The following SH3KBP1 variants were observed in gnomAD, a reference collection of about 807,000 sequenced individuals.
SH3KBP1 encodes SH3 domain containing kinase binding protein 1.
Under a neutral mutation model 50.1 loss-of-function variants are expected in SH3KBP1, and 8 were observed. That is an observed-to-expected ratio of 0.16 (90% CI 0.09 to 0.29). SH3KBP1 has a LOEUF of 0.29. Ranked by LOEUF, SH3KBP1 falls within the 10% of genes least tolerant of loss-of-function variation. SH3KBP1 has a pLI of 1.00. For synonymous variants in SH3KBP1, 227 were observed against 218.6 expected (o/e 1.04, Z -0.34); for missense variants, 377 against 535.2 (o/e 0.70, Z 2.92).
chrX:19,779,544 A>C (rs1318208757), intron 2 of SH3KBP1, among the ~76,000 whole-genome samples: 2 of 97,696 alleles, frequency 2.0e-5, no homozygotes, highest in African/African-American at 3.7e-5. Flanking sequence ...GTCATCTAGC[A>C]TTAGGTATAT....
chrX:19,823,481 T>C (rs1036998138), intron 2 of SH3KBP1, among the ~76,000 whole-genome samples: 7 of 112,097 alleles, frequency 6.2e-5, no homozygotes, highest in Non-Finnish European at 1.3e-4. Flanking sequence ...TCTCTGCTCC[T>C]ATAGGCTGCC....
chrX:19,828,146 TTC>T (rs1185101096), intron 2 of SH3KBP1, among the ~76,000 whole-genome samples: 2 of 111,593 alleles, frequency 1.8e-5, no homozygotes, highest in Admixed American at 1.9e-4. Flanking sequence ...TTTCTCTTTT[TTC>T]TTTTCTGGTA....
intron 5 of SH3KBP1, among the ~76,000 whole-genome samples, chrX:19,693,053 A>G (rs989646700): frequency 9.0e-6 from 1 of 111,497 alleles, no homozygotes; most frequent in African/African-American, 3.3e-5. Context: ...AATTACTTCA[A>G]TTTAGCAAGC....
chrX:19,855,176 G>A (rs954988082), intron 1 of SH3KBP1, among the ~76,000 whole-genome samples: 9 of 110,775 alleles, frequency 8.1e-5, no homozygotes, highest in African/African-American at 1.3e-4. Flanking sequence ...TAGAGAGGGG[G>A]TTTCACCATG....
chrX:19,680,204 G>A (rs760590044), intron 6 of SH3KBP1, among the ~76,000 whole-genome samples: 90 of 108,812 alleles, frequency 8.3e-4, no homozygotes, highest in African/African-American at 2.6e-3. Context: ...GTGAAACCCC[G>A]TCTCTACTAA....
intron 13 of SH3KBP1, among the ~76,000 whole-genome samples, chrX:19,550,967 T>C (rs1444196281): frequency 9.0e-6 from 1 of 111,599 alleles, no homozygotes; most frequent in Non-Finnish European, 1.9e-5. Context: ...GCAGCTATAC[T>C]GGTCCAGGAC....
At chrX:19,760,053 T>TCC (rs1457661206) in intron 2 of SH3KBP1, among the ~76,000 whole-genome samples, 1 of 94,368 alleles carries the variant, frequency 1.1e-5, no homozygotes, top group Non-Finnish European at 2.1e-5. Flanking sequence ...TCTCTCTCTC[T>TCC]CTCTCTCTCT....
rs185903038 is a variant in SH3KBP1 at position 19,535,007 on chromosome X, A to G, written c.*1410T>C. 3.4e-6 allele frequency: 1 copy of G among 296,085 alleles called. No homozygotes were observed. The highest frequency in any genetic ancestry group is 5.9e-6 in the Non-Finnish European group (1 of 170,145). 24.4% of individuals were successfully genotyped at this position (296,085 alleles called of 1,213,427 possible). On this transcript the variant is annotated 3_prime_UTR_variant, in exon 18 of 18. Coordinates refer to ENST00000397821, the MANE Select transcript of SH3KBP1 (RefSeq NM_031892.3). ...TAGTAGTTTCACTATTAAACTCAGG[A>G]AAGAGACAAAGCAGCTTTTGAGAAA... is the stretch of plus-strand genomic sequence containing the variant.
chrX:19,672,241 A>C, intron 6 of SH3KBP1, among the ~76,000 whole-genome samples: 1 of 112,157 alleles, frequency 8.9e-6, no homozygotes, highest in Non-Finnish European at 1.9e-5. Flanking sequence ...ACTAGGACGG[A>C]GGAGAATAAA....
chrX:19,870,379 G>C (rs1359472669), intron 1 of SH3KBP1, among the ~76,000 whole-genome samples: 1 of 108,193 alleles, frequency 9.2e-6, no homozygotes, highest in Non-Finnish European at 1.9e-5. Flanking sequence ...GTCTCACTCT[G>C]TTGCCCAGGC....
chrX:19,697,684 C>T (rs1231930525), intron 4 of SH3KBP1, among the ~76,000 whole-genome samples: 2 of 111,886 alleles, frequency 1.8e-5, no homozygotes, highest in Non-Finnish European at 3.8e-5. Context: ...GTTGAGCTCA[C>T]TGAGATCTGG....
chrX:19,765,661 T>A (rs1158717534), intron 2 of SH3KBP1, among the ~76,000 whole-genome samples: 1 of 112,077 alleles, frequency 8.9e-6, no homozygotes, highest in Non-Finnish European at 1.9e-5. Context: ...ATCATCAGAT[T>A]TCTTTTCCTC....
chrX:19,757,161 T>G (rs1294906671), intron 2 of SH3KBP1, among the ~76,000 whole-genome samples: 1 of 107,735 alleles, frequency 9.3e-6, no homozygotes, highest in African/African-American at 3.4e-5. Flanking sequence ...TTTTTTTTTT[T>G]TTTTGCAAAC....
chrX:19,756,247 A>G (rs531452258), intron 2 of SH3KBP1, among the ~76,000 whole-genome samples: 1 of 110,896 alleles, frequency 9.0e-6, no homozygotes, highest in East Asian at 2.8e-4. Context: ...AGTATATATT[A>G]CATACTATAT....
chrX:19,744,102 C>G (rs1343179429), intron 3 of SH3KBP1, among the ~76,000 whole-genome samples: 1 of 111,673 alleles, frequency 9.0e-6, no homozygotes, highest in Non-Finnish European at 1.9e-5. Context: ...CCAAAACATC[C>G]GAAAGGTTGC....
chrX:19,651,411 C>T (rs999503585), intron 6 of SH3KBP1, among the ~76,000 whole-genome samples: 124 of 112,094 alleles, frequency 1.1e-3, no homozygotes, highest in African/African-American at 3.9e-3. Context: ...CTTGTAATTC[C>T]ATTCCAGGAC....
At chrX:19,771,164 C>T (rs917821214) in intron 2 of SH3KBP1, among the ~76,000 whole-genome samples, 3 of 112,137 alleles carry the variant, frequency 2.7e-5, no homozygotes, top group Admixed American at 9.5e-5. Context: ...ACAACAACAC[C>T]GCTCATATTC....
rs59044973 is a variant in SH3KBP1 at position 19,682,333 on chromosome X, T to TACACACACAC, written c.726+1480_726+1489dup. Among the ~76,000 whole-genome samples, 200 of 75,902 alleles carry TACACACACAC rather than the reference T, an allele frequency of 2.6e-3. 3 individuals carry two copies. Among genetic ancestry groups the TACACACACAC allele is most frequent in the African/African-American group, 8.8e-3 (184 of 20,942 alleles). 65.9% of individuals were successfully genotyped at this position (75,902 alleles called of 115,157 possible). A position where few individuals can be genotyped will look rare whatever the true frequency, so the allele number is the denominator to read the frequency against. ...ATATTAATAGCAATAATAAGAGTCA[T>TACACACACAC]ACACACACACACACACACACACACA... On this transcript the variant is annotated intron_variant, in intron 6 of 17. Transcript: ENST00000397821.
chrX:19,878,472 T>TTGTGTGTGTGTGTGTGTGTGTG (rs56786885), intron 1 of SH3KBP1, among the ~76,000 whole-genome samples: 16 of 73,036 alleles, frequency 2.2e-4, no homozygotes, highest in African/African-American at 9.8e-4. Flanking sequence ...CCTGGCTAAT[T>TTGTGTGTGTGTGTGTGTGTGTG]TGTGTGTGTG....
Sources: allele counts gnomAD v4.1 joint callset (sites outside exome capture counted in the v4.1 genomes callset), GRCh38; gene constraint gnomAD v4.1.1; transcripts MANE v1.5; gene names NCBI Gene and HGNC (gene_info 2026-07-23, HGNC 2026-07-21).